ARSG: variants seen among roughly 807,000 people sequenced by gnomAD.
The protein encoded by ARSG is ASG.
A neutral mutation model predicts 50.5 loss-of-function variants in ARSG; 37 were observed. That is an observed-to-expected ratio of 0.73 (90% CI 0.56 to 0.96). The LOEUF (loss-of-function observed/expected upper bound fraction) is 0.96. Ranked by LOEUF, ARSG falls within the 50% of genes least tolerant of loss-of-function variation. The probability of loss-of-function intolerance (pLI) is 0.00; values close to 1 mark genes in which losing one functional copy is unlikely to be tolerated. For synonymous variants in ARSG, 225 were observed against 254.6 expected (o/e 0.88, Z 1.11); for missense variants, 629 against 675.3 (o/e 0.93, Z 0.76).
At chr17:68,274,010 C>A (rs374285241) in intron 1 of ARSG, 3 of 1,613,926 alleles carry the variant, frequency 1.9e-6, no homozygotes, top group African/African-American at 1.3e-5. Context: ...GACAAGTAGC[C>A]CCCCCAACAT....
intron 1 of ARSG, chr17:68,274,470 AAAAAC>A: frequency 6.4e-6 from 1 of 155,916 alleles, no homozygotes; most frequent in Middle Eastern, 3.2e-3. Flanking sequence ...TGTCTCAAGA[AAAAAC>A]AAAACCAAAC....
At position 68,347,048 on chromosome 17, in the gene ARSG, T is replaced by C. The variant is rs1416690048; in HGVS notation, c.407-77T>C. On this transcript the variant is annotated intron_variant, in intron 3 of 11. Coordinates refer to ENST00000621439, the MANE Select transcript of ARSG (RefSeq NM_001267727.2). ...GAGGCGAAGCTAATGGAGAGCTGAG[T>C]GTGTGATCAGCTCCTCAGGGGGCTG... The C allele has an allele frequency of 7.7e-6, 12 of 1,556,830 alleles. No homozygotes were observed. In the Admixed American group the frequency reaches 2.0e-4, roughly 26 times the overall value.
chr17:68,409,588 T>C (rs2081910336), intron 11 of ARSG, among the ~76,000 whole-genome samples: 1 of 152,006 alleles, frequency 6.6e-6, no homozygotes, highest in East Asian at 1.9e-4. Flanking sequence ...TGGCTGAGGA[T>C]TGACTTGGCG....
At chr17:68,389,695 A>G (rs1386400137) in intron 9 of ARSG, among the ~76,000 whole-genome samples, 3 of 151,868 alleles carry the variant, frequency 2.0e-5, no homozygotes, top group Non-Finnish European at 4.4e-5. Context: ...TCCAGGTCCA[A>G]GCGCCTCCAA....
intron 2 of ARSG, among the ~76,000 whole-genome samples, chr17:68,340,670 T>G (rs2078229515): frequency 6.6e-6 from 1 of 152,200 alleles, no homozygotes; most frequent in Admixed American, 6.5e-5. Flanking sequence ...CTTTGCTTCC[T>G]GGCACAAGCA....
At chr17:68,388,198 A>G (rs1006615781) in intron 9 of ARSG, among the ~76,000 whole-genome samples, 9 of 152,210 alleles carry the variant, frequency 5.9e-5, no homozygotes, top group Non-Finnish European at 1.3e-4. Flanking sequence ...TTGGCAGCAC[A>G]TGGGAAAAGG....
chr17:68,372,562 C>T (rs756696479), intron 8 of ARSG, among the ~76,000 whole-genome samples: 4 of 152,124 alleles, frequency 2.6e-5, no homozygotes, highest in Non-Finnish European at 4.4e-5. Flanking sequence ...ACAGCCAAGG[C>T]TAATGAGAAT....
the ARSG span, chr17:68,444,660 C>G: frequency 7.8e-7 from 1 of 1,281,592 alleles, no homozygotes; most frequent in South Asian, 1.3e-5. Context: ...CCAAATCATT[C>G]ATCTTTCATA....
At chr17:68,327,339 A>G (rs1384120110) in intron 2 of ARSG, among the ~76,000 whole-genome samples, 2 of 152,098 alleles carry the variant, frequency 1.3e-5, no homozygotes, top group Admixed American at 6.5e-5. Flanking sequence ...CCACCAAAAT[A>G]TATTATCTTA....
chr17:68,336,713 C>T (rs1205412955), intron 2 of ARSG, among the ~76,000 whole-genome samples: 3 of 152,008 alleles, frequency 2.0e-5, no homozygotes, highest in Non-Finnish European at 4.4e-5. Flanking sequence ...ATTAGCTGAG[C>T]ATGGTGGCGT....
intron 9 of ARSG, among the ~76,000 whole-genome samples, chr17:68,388,366 T>TC (rs1312219283): frequency 6.6e-6 from 1 of 152,172 alleles, no homozygotes; most frequent in Non-Finnish European, 1.5e-5. Flanking sequence ...ATGCCAATCG[T>TC]GTCCCCACCC....
intron 4 of ARSG, among the ~76,000 whole-genome samples, chr17:68,348,133 T>C (rs1568499804): frequency 6.6e-6 from 1 of 152,174 alleles, no homozygotes. Context: ...CTCTCCTCCC[T>C]TGAGCCCCTT....
chr17:68,316,515 A>G (rs2077076254), intron 2 of ARSG, among the ~76,000 whole-genome samples: 1 of 152,166 alleles, frequency 6.6e-6, no homozygotes, highest in Non-Finnish European at 1.5e-5. Context: ...CCTGGATCTA[A>G]ACTTCTAGGT....
intron 4 of ARSG, among the ~76,000 whole-genome samples, chr17:68,350,964 C>G (rs1599834718): frequency 6.6e-6 from 1 of 152,080 alleles, no homozygotes; most frequent in Admixed American, 6.5e-5. Context: ...ATTCTGTCAG[C>G]CTTTTGAGTC....
chr17:68,396,095 G>A (rs1219365342), intron 10 of ARSG, among the ~76,000 whole-genome samples: 4 of 149,990 alleles, frequency 2.7e-5, no homozygotes, highest in Non-Finnish European at 4.4e-5. Flanking sequence ...TGCAACCTCC[G>A]CCTCCTGGGT....
At chr17:68,431,727 C>T in the ARSG span, among the ~76,000 whole-genome samples, 2 of 152,284 alleles carry the variant, frequency 1.3e-5, no homozygotes, top group South Asian at 2.1e-4. Context: ...TGAAGAGGCA[C>T]GTGTGAGCCG....
At chr17:68,348,009 G>A (rs1470866930) in intron 4 of ARSG, among the ~76,000 whole-genome samples, 1 of 152,188 alleles carries the variant, frequency 6.6e-6, no homozygotes, top group Admixed American at 6.5e-5. Flanking sequence ...TTTGGAGAAT[G>A]ACTTTCAGAG....
intron 6 of ARSG, among the ~76,000 whole-genome samples, chr17:68,364,953 G>A (rs1196923200): frequency 6.6e-6 from 1 of 152,176 alleles, no homozygotes; most frequent in Non-Finnish European, 1.5e-5. Context: ...CAGGATGCAG[G>A]GAGAGAGGTA....
chr17:68,291,318 C>G (rs1441171982), upstream of ARSG: 3 of 140,136 alleles, frequency 2.1e-5, no homozygotes, highest in East Asian at 7.9e-4. Context: ...CCCACCCCGG[C>G]CGCCTGCGAC....
Sources: allele counts gnomAD v4.1 joint callset (sites outside exome capture counted in the v4.1 genomes callset), GRCh38; gene constraint gnomAD v4.1.1; transcripts MANE v1.5; gene names NCBI Gene and HGNC (gene_info 2026-07-23, HGNC 2026-07-21).